ZFP90: variants seen among roughly 807,000 people sequenced by gnomAD.
The protein encoded by ZFP90 is zinc finger protein 90 homolog.
Under a neutral mutation model 60.8 loss-of-function variants are expected in ZFP90, and 38 were observed. The observed-to-expected ratio is 0.62, with a 90% CI of 0.48 to 0.82. The LOEUF is 0.82. Ranked by LOEUF, ZFP90 falls within the 40% of genes least tolerant of loss-of-function variation. ZFP90 has a pLI of 0.00. For missense variants in ZFP90, 711 were observed against 759.1 expected (o/e 0.94, Z 0.74); for synonymous variants, 287 against 264.8 (o/e 1.08, Z -0.82).
At chr16:68,569,426 C>T (rs565187518), downstream of ZFP90, among the ~76,000 whole-genome samples, 12 of 152,238 alleles carry the variant, frequency 7.9e-5, no homozygotes, top group Admixed American at 2.0e-4. Context: ...TGAGCCAGTG[C>T]GCCCAGCTGA....
At chr16:68,534,877 A>C (rs1025484779), upstream of ZFP90, among the ~76,000 whole-genome samples, 34 of 152,170 alleles carry the variant, frequency 2.2e-4, no homozygotes, top group Admixed American at 1.8e-3. Context: ...ACTGTACTCC[A>C]GCCTGGGTGA....
downstream of ZFP90, among the ~76,000 whole-genome samples, chr16:68,567,372 T>G (rs948735953): frequency 2.6e-5 from 4 of 152,190 alleles, no homozygotes; most frequent in African/African-American, 7.2e-5. Flanking sequence ...TTTTCCCCCT[T>G]TTCCTCTTGC....
intron 2 of ZFP90, among the ~76,000 whole-genome samples, chr16:68,550,862 T>TG (rs774939550): frequency 6.6e-6 from 1 of 152,144 alleles, no homozygotes; most frequent in Non-Finnish European, 1.5e-5. Context: ...AGGCTTTTGG[T>TG]GACTGCAAGG....
chr16:68,539,871 C>T (rs1283829488), intron 2 of ZFP90, 46 bp downstream of exon 2: 1 of 1,594,004 alleles, frequency 6.3e-7, no homozygotes, highest in East Asian at 2.3e-5. Flanking sequence ...TCCATCTATC[C>T]ATCCCATCTC....
chr16:68,547,116 A>T (rs981247617), intron 2 of ZFP90, among the ~76,000 whole-genome samples: 1 of 152,188 alleles, frequency 6.6e-6, no homozygotes, highest in Non-Finnish European at 1.5e-5. Flanking sequence ...CCTGACTTTA[A>T]ATTCTTTTGG....
At chr16:68,537,369 G>GC (rs572316369), upstream of ZFP90, among the ~76,000 whole-genome samples, 78 of 152,018 alleles carry the variant, frequency 5.1e-4, 1 homozygote, top group Admixed American at 1.3e-3. Context: ...CAAGTGATCT[G>GC]CCCCCCTCAG....
Position 68,566,866 on chromosome 16 carries a change from T to G in ZFP90, c.*2168T>G. The G allele has an allele frequency of 1.0e-6, 1 of 985,618 alleles. No homozygotes were observed. Among genetic ancestry groups the G allele is most frequent in the Non-Finnish European group, 1.2e-6 (1 of 829,958 alleles). The allele number at this position is 985,618 out of a possible 1,614,324, so 61.1% of individuals were successfully genotyped here. ...CTGCCCCCACTGTTACGGAAGTTTA[T>G]AAAACCTTAGTTCCAGAAGACCCAA... is the stretch of plus-strand genomic sequence containing the variant. On this transcript the variant is annotated 3_prime_UTR_variant, in exon 5 of 5. Transcript: ENST00000563169.
Position 68,534,143 on chromosome 16 carries a change from A to G in ZFP90, c.-36+288A>G, listed in dbSNP as rs150984198. 4.0e-5 allele frequency among the ~76,000 whole-genome samples: 6 copies of G among 151,072 alleles called. No homozygotes were observed. In the East Asian group the frequency reaches 1.2e-3, roughly 29 times the overall value. On this transcript the variant is annotated intron_variant, in intron 2 of 3. Coordinates refer to the ZFP90 transcript ENST00000569109. ...ATTTGTGGATAATTTCCTCAGATCG[A>G]CCTTCTATTCACTAATTTTATCTTC... is the stretch of plus-strand genomic sequence containing the variant.
At chr16:68,535,613 C>T (rs929347931), upstream of ZFP90, 2 of 152,050 alleles carry the variant, frequency 1.3e-5, no homozygotes, top group Admixed American at 1.3e-4. Flanking sequence ...ATGACTTGAG[C>T]TATACTAGGC....
intron 2 of ZFP90, among the ~76,000 whole-genome samples, chr16:68,547,430 T>A (rs1001968005): frequency 1.3e-5 from 2 of 152,194 alleles, no homozygotes; most frequent in African/African-American, 2.4e-5. Context: ...TTTTGAATTG[T>A]TTTTTGTTGG....
chr16:68,564,999 A>C lies in ZFP90; in HGVS notation c.*301A>C. 1 of 1,077,960 alleles carries C rather than the reference A, an allele frequency of 9.3e-7. No homozygotes were observed. Among genetic ancestry groups the C allele is most frequent in the Non-Finnish European group, 1.1e-6 (1 of 890,336 alleles). 66.8% of individuals were successfully genotyped at this position (1,077,960 alleles called of 1,614,324 possible). ...GATATCATCAAGTTTCAACATCTTG[A>C]CTTGTGACCCCCAATGTCAACAGCT... On this transcript the variant is annotated 3_prime_UTR_variant, in exon 5 of 5. Coordinates refer to ENST00000563169, the MANE Select transcript of ZFP90 (RefSeq NM_001305203.2).
chr16:68,553,335 C>T (rs1434011179), intron 2 of ZFP90, among the ~76,000 whole-genome samples: 2 of 151,888 alleles, frequency 1.3e-5, no homozygotes, highest in Admixed American at 6.6e-5. Flanking sequence ...TGGGGAGCCA[C>T]GGGCGTACAT....
upstream of ZFP90, among the ~76,000 whole-genome samples, chr16:68,534,439 A>G (rs2090946980): frequency 6.7e-6 from 1 of 150,050 alleles, no homozygotes; most frequent in Non-Finnish European, 1.5e-5. Flanking sequence ...TGTGTTAGCC[A>G]GCATGGTCTT....
At chr16:68,563,002 C>T (rs2091460201) in intron 4 of ZFP90, 42 bp from the exon 5 acceptor site, 3 of 1,610,238 alleles carry the variant, frequency 1.9e-6, no homozygotes, top group Admixed American at 1.7e-5. Context: ...TGTATTTCAA[C>T]AGGAAGGAAT....
chr16:68,573,853 T>G (rs1177590070), intron 2 of ZFP90: 3 of 152,314 alleles, frequency 2.0e-5, no homozygotes, highest in Non-Finnish European at 4.4e-5. Context: ...CCCGAAAGCC[T>G]TAGCAGCAGC....
At chr16:68,562,618 A>C in intron 4 of ZFP90, 1 of 203,876 alleles carries the variant, frequency 4.9e-6, no homozygotes, top group Non-Finnish European at 9.9e-6. Flanking sequence ...CAGCATTTGG[A>C]GACCTGGAAC....
chr16:68,575,732 T>A (rs139575538), intron 2 of ZFP90: 17 of 397,958 alleles, frequency 4.3e-5, no homozygotes, highest in Admixed American at 8.8e-5. Context: ...TAGCTAGGCA[T>A]CAAACTGTCT....
chr16:68,548,521 G>A (rs11649663), intron 2 of ZFP90, among the ~76,000 whole-genome samples: 96,737 of 124,314 alleles, frequency 0.78, 37,295 homozygotes, highest in Middle Eastern at 0.83. Context: ...ACGGAGTTTC[G>A]CTCTTATTGC....
rs2091509367 is a variant in ZFP90, at chr16:68,565,396, G to A, written c.*698G>A. On this transcript the variant is annotated 3_prime_UTR_variant, in exon 5 of 5. Transcript: ENST00000563169. ...CACAAACATTTAATGGGCACCTATGGGTTGGACACTTTGAGAATTCTTAAA... is the reference window on the plus strand; with the variant it reads ...CACAAACATTTAATGGGCACCTATGAGTTGGACACTTTGAGAATTCTTAAA... 8 of 985,554 alleles carry A rather than the reference G, an allele frequency of 8.1e-6. No homozygotes were observed. The highest frequency in any genetic ancestry group is 9.6e-6 in the Non-Finnish European group (8 of 829,936). The allele number at this position is 985,554 out of a possible 1,614,324, so 61.1% of individuals were successfully genotyped here. A position where few individuals can be genotyped will look rare whatever the true frequency, so the allele number is the denominator to read the frequency against.
Sources: allele counts gnomAD v4.1 joint callset (sites outside exome capture counted in the v4.1 genomes callset), GRCh38; gene constraint gnomAD v4.1.1; transcripts MANE v1.5; gene names NCBI Gene and HGNC (gene_info 2026-07-23, HGNC 2026-07-21).